Variants in CACNA2D3 observed in about 807,000 individuals in gnomAD.
CACNA2D3 encodes the protein calcium voltage-gated channel auxiliary subunit alpha2delta 3, also known as voltage-dependent calcium channel subunit alpha-2/delta-3.
In CACNA2D3, 60 loss-of-function variants were observed where a neutral mutation model predicts 160.6. The observed-to-expected ratio is 0.37, with a 90% confidence interval of 0.30 to 0.46. The LOEUF is 0.46. Among genes scored for constraint, CACNA2D3 ranks in the 20% least tolerant of loss-of-function variants. CACNA2D3 has a pLI of 1.00. For synonymous variants in CACNA2D3, 558 were observed against 492.9 expected, an observed-to-expected ratio of 1.13 and a Z score of -1.75; for missense variants, 1,205 against 1,365.0, an observed-to-expected ratio of 0.88 and a Z score of 1.85.
chr3:54,652,374 T>C (rs1259048948), intron 11 of CACNA2D3, among the ~76,000 whole-genome samples: 1 of 152,104 alleles, frequency 6.6e-6, no homozygotes, highest in Admixed American at 6.6e-5. Context: ...TGAGATCACA[T>C]AGAGCAGATA....
intron 11 of CACNA2D3, among the ~76,000 whole-genome samples, chr3:54,732,191 CTG>C (rs1362056769): frequency 2.0e-5 from 3 of 152,230 alleles, no homozygotes; most frequent in Non-Finnish European, 1.5e-5. Flanking sequence ...TGACATCACT[CTG>C]TAATTTTACA....
chr3:54,564,919 G>A (rs1290645614), intron 6 of CACNA2D3, among the ~76,000 whole-genome samples: 1 of 152,190 alleles, frequency 6.6e-6, no homozygotes. Context: ...AGAGACTGGA[G>A]CAAAGTCATT....
intron 4 of CACNA2D3, among the ~76,000 whole-genome samples, chr3:54,496,912 T>C (rs1403281151): frequency 6.6e-6 from 1 of 152,140 alleles, no homozygotes; most frequent in African/African-American, 2.4e-5. Context: ...CTTTATTTGA[T>C]GTCAATTGAC....
At chr3:54,846,522 CTTCAA>C in intron 17 of CACNA2D3, 55 bp downstream of exon 17, 20 of 1,179,714 alleles carry the variant, frequency 1.7e-5, no homozygotes, top group Non-Finnish European at 2.5e-5. Flanking sequence ...AAAAGATTTC[CTTCAA>C]TTCAACAGTG....
At chr3:54,761,216 ACTC>A (rs576576198) in intron 12 of CACNA2D3, among the ~76,000 whole-genome samples, 200 of 151,790 alleles carry the variant, frequency 1.3e-3, no homozygotes, top group African/African-American at 3.1e-3. Flanking sequence ...ACCAAGAAGA[ACTC>A]CTACAAGATC....
At position 54,684,064 on chromosome 3, in the gene CACNA2D3, A is replaced by C. The variant is rs143817962; in HGVS notation, c.1167+41823A>C. ...CGGCTCACTGCAACCTCTCTCCCCCAGGTTCAAGCGATTCTCCTGCCTCAG... is the reference window on the plus strand; with the variant it reads ...CGGCTCACTGCAACCTCTCTCCCCCCGGTTCAAGCGATTCTCCTGCCTCAG... On this transcript the variant is annotated intron_variant, in intron 11 of 37. Coordinates refer to ENST00000474759, the MANE Select transcript of CACNA2D3 (RefSeq NM_018398.3). Among the ~76,000 whole-genome samples the C allele has an allele frequency of 5.0e-5, 7 of 138,774 alleles. No individual in the cohort carries two copies. In the East Asian group the frequency reaches 1.5e-3, roughly 30 times the overall value. The allele number at this position is 138,774 out of a possible 152,430, so 91.0% of individuals were successfully genotyped here. A position where few individuals can be genotyped will look rare whatever the true frequency, so the allele number is the denominator to read the frequency against.
intron 4 of CACNA2D3, among the ~76,000 whole-genome samples, chr3:54,403,356 AAC>A (rs55779518): frequency 0.083 from 11,458 of 137,504 alleles, 481 homozygotes; most frequent in East Asian, 0.14. Flanking sequence ...CCCTATCTCA[AAC>A]ACACACACAC....
At chr3:54,539,051 G>A (rs1701930669) in intron 5 of CACNA2D3, among the ~76,000 whole-genome samples, 1 of 152,168 alleles carries the variant, frequency 6.6e-6, no homozygotes, top group Non-Finnish European at 1.5e-5. Flanking sequence ...TCACCCTAGA[G>A]TTGTTTTGAT....
At chr3:54,340,309 C>T (rs1704486778) in intron 3 of CACNA2D3, among the ~76,000 whole-genome samples, 1 of 152,192 alleles carries the variant, frequency 6.6e-6, no homozygotes, top group African/African-American at 2.4e-5. Context: ...TAAGTATCCT[C>T]ATTTCATCAC....
intron 35 of CACNA2D3, among the ~76,000 whole-genome samples, chr3:55,052,109 C>T (rs529462350): frequency 6.6e-5 from 10 of 152,264 alleles, no homozygotes; most frequent in South Asian, 6.2e-4. Flanking sequence ...TGTTCCTATT[C>T]GGCCATCTTG....
chr3:54,527,628 A>G (rs7617638), intron 5 of CACNA2D3, among the ~76,000 whole-genome samples: 3,708 of 152,228 alleles, frequency 0.024, 152 homozygotes, highest in African/African-American at 0.084. Context: ...GGACGAAGGG[A>G]GCCCTCATTT....
intron 6 of CACNA2D3, among the ~76,000 whole-genome samples, chr3:54,563,387 T>G (rs903468644): frequency 7.9e-5 from 12 of 152,244 alleles, no homozygotes; most frequent in Middle Eastern, 3.4e-3. Flanking sequence ...AAGAGCTGAC[T>G]CCCCTTGCAG....
intron 3 of CACNA2D3, among the ~76,000 whole-genome samples, chr3:54,378,010 G>A (rs1188007189): frequency 1.3e-5 from 2 of 152,130 alleles, no homozygotes; most frequent in Non-Finnish European, 2.9e-5. Context: ...TCAATACTCT[G>A]CCATGGTGAG....
intron 2 of CACNA2D3, among the ~76,000 whole-genome samples, chr3:54,150,856 G>A (rs921896642): frequency 4.0e-5 from 6 of 151,556 alleles, no homozygotes; most frequent in Non-Finnish European, 5.9e-5. Flanking sequence ...GGATGGATGA[G>A]TGGGTGTATG....
At chr3:54,201,236 T>C (rs567419169) in intron 2 of CACNA2D3, among the ~76,000 whole-genome samples, 2 of 152,376 alleles carry the variant, frequency 1.3e-5, no homozygotes, top group South Asian at 4.1e-4. Flanking sequence ...CTTTTACCTT[T>C]TAAAGCAGCT....
At chr3:54,544,810 A>C (rs2106671650) in intron 5 of CACNA2D3, among the ~76,000 whole-genome samples, 1 of 152,334 alleles carries the variant, frequency 6.6e-6, no homozygotes, top group Non-Finnish European at 1.5e-5. Flanking sequence ...AAAAAAATTT[A>C]TTATATTTTA....
At chr3:54,723,107 C>T (rs1035406957) in intron 11 of CACNA2D3, among the ~76,000 whole-genome samples, 10 of 152,218 alleles carry the variant, frequency 6.6e-5, no homozygotes, top group African/African-American at 2.4e-4. Context: ...GAGGAGAAAT[C>T]TGGCAGTCTG....
At chr3:54,180,816 C>T (rs1048005509) in intron 2 of CACNA2D3, among the ~76,000 whole-genome samples, 3 of 152,156 alleles carry the variant, frequency 2.0e-5, no homozygotes, top group African/African-American at 7.2e-5. Flanking sequence ...ATGCACTAAG[C>T]CTGTACTTGT....
intron 20 of CACNA2D3, among the ~76,000 whole-genome samples, chr3:54,880,151 C>A (rs1699759312): frequency 6.6e-6 from 1 of 152,156 alleles, no homozygotes; most frequent in South Asian, 2.1e-4. Context: ...CATGTGGAAC[C>A]AGGAGCAAAT....
Sources: gnomAD v4.1 joint callset for allele counts (sites outside exome capture counted in the v4.1 genomes callset) on GRCh38, gnomAD v4.1.1 for gene constraint, MANE v1.5 for transcripts, NCBI Gene and HGNC (gene_info 2026-07-23, HGNC 2026-07-21) for gene names.